PCDH11X: variants seen among roughly 807,000 people sequenced by gnomAD.
The protein encoded by PCDH11X is protocadherin-11 X-linked.
PCDH11X carries 18 observed loss-of-function variants against 53.3 expected under a neutral mutation model. That is an observed-to-expected ratio of 0.34 (90% CI 0.23 to 0.50). PCDH11X has a LOEUF of 0.50. PCDH11X is among the 20% of genes least tolerant of loss of function. PCDH11X has a pLI of 0.98. For missense variants in PCDH11X, 570 were observed against 1,032.4 expected, an observed-to-expected ratio of 0.55 and a Z score of 6.14; for synonymous variants, 279 against 393.3, an observed-to-expected ratio of 0.71 and a Z score of 3.44.
At chrX:92,485,556 T>G (rs2073624635) in intron 10 of PCDH11X, among the ~76,000 whole-genome samples, 1 of 111,714 alleles carries the variant, frequency 9.0e-6, no homozygotes, top group South Asian at 3.7e-4. Context: ...AATATTATTT[T>G]TCTTTAAGAT....
At chrX:92,605,333 C>A (rs1438897682) in intron 10 of PCDH11X, among the ~76,000 whole-genome samples, 1 of 109,240 alleles carries the variant, frequency 9.2e-6, no homozygotes, top group Non-Finnish European at 1.9e-5. Context: ...AAAGAAGAAA[C>A]AACAAGAGAA....
chrX:92,207,008 A>G (rs1364603160), intron 7 of PCDH11X, among the ~76,000 whole-genome samples: 1 of 112,049 alleles, frequency 8.9e-6, no homozygotes. Flanking sequence ...TAGGATAATT[A>G]TCATTTTTTG....
chrX:92,076,381 G>A (rs1193914147), intron 6 of PCDH11X, among the ~76,000 whole-genome samples: 1 of 91,757 alleles, frequency 1.1e-5, no homozygotes, highest in Non-Finnish European at 2.0e-5. Context: ...GTAATGAGAG[G>A]CCAATGTTTA....
chrX:92,260,025 C>T (rs2067680892), intron 7 of PCDH11X, among the ~76,000 whole-genome samples: 1 of 110,634 alleles, frequency 9.0e-6, no homozygotes, highest in South Asian at 3.9e-4. Flanking sequence ...GAAGTGATCT[C>T]CTTTGGTGCC....
intron 6 of PCDH11X, among the ~76,000 whole-genome samples, chrX:92,194,815 A>G (rs1478936238): frequency 9.0e-6 from 1 of 111,228 alleles, no homozygotes; most frequent in African/African-American, 3.3e-5. Context: ...GCACAGAAAC[A>G]TTAAGAGATT....
intron 6 of PCDH11X, among the ~76,000 whole-genome samples, chrX:92,025,322 A>T: frequency 9.1e-6 from 1 of 109,637 alleles, no homozygotes; most frequent in Non-Finnish European, 1.9e-5. Flanking sequence ...TGGACAAAGG[A>T]TATTAATCTG....
chrX:92,567,761 G>T (rs1434117123), intron 10 of PCDH11X, among the ~76,000 whole-genome samples: 1 of 104,855 alleles, frequency 9.5e-6, no homozygotes, highest in Non-Finnish European at 1.9e-5. Flanking sequence ...TTGGCTGTTG[G>T]TTTGTTCTCA....
chrX:92,598,517 T>A (rs1454769187), intron 10 of PCDH11X, among the ~76,000 whole-genome samples: 3 of 103,534 alleles, frequency 2.9e-5, no homozygotes, highest in Middle Eastern at 4.9e-3. Flanking sequence ...CTCGCCCCAG[T>A]TAAAATGGCT....
At chrX:92,236,019 T>G (rs894093229) in intron 7 of PCDH11X, among the ~76,000 whole-genome samples, 1 of 111,994 alleles carries the variant, frequency 8.9e-6, no homozygotes, top group Non-Finnish European at 1.9e-5. Flanking sequence ...ATAATTGTAA[T>G]AAAAATTATC....
intron 8 of PCDH11X, among the ~76,000 whole-genome samples, chrX:92,320,561 GTTA>G (rs749112652): frequency 4.2e-3 from 468 of 111,128 alleles, no homozygotes; most frequent in African/African-American, 0.013. Flanking sequence ...GTTCTAAAAA[GTTA>G]TTATGATTCA....
chrX:92,594,258 T>TC (rs940115013), intron 10 of PCDH11X, among the ~76,000 whole-genome samples: 6 of 107,934 alleles, frequency 5.6e-5, no homozygotes, highest in African/African-American at 2.1e-4. Flanking sequence ...TGACAAACTT[T>TC]CCATGGTCAA....
intron 6 of PCDH11X, among the ~76,000 whole-genome samples, chrX:92,103,782 G>A (rs1462784291): frequency 8.9e-6 from 1 of 112,118 alleles, no homozygotes; most frequent in Non-Finnish European, 1.9e-5. Flanking sequence ...CTGGAGATGT[G>A]GCTGGGGTTT....
At chrX:91,923,499 A>G (rs1191065703) in intron 6 of PCDH11X, among the ~76,000 whole-genome samples, 1 of 109,972 alleles carries the variant, frequency 9.1e-6, no homozygotes, top group African/African-American at 3.3e-5. Context: ...CAAATTCTTT[A>G]GCTTTGGGAC....
intron 6 of PCDH11X, among the ~76,000 whole-genome samples, chrX:92,047,116 T>C (rs1231588775): frequency 2.5e-5 from 2 of 79,326 alleles, no homozygotes; most frequent in Non-Finnish European, 4.1e-5. Flanking sequence ...GTAAGATATT[T>C]TTGTAATAAT....
chrX:92,191,293 C>T (rs751263014), intron 6 of PCDH11X, among the ~76,000 whole-genome samples: 80 of 111,828 alleles, frequency 7.2e-4, no homozygotes, highest in African/African-American at 2.5e-3. Flanking sequence ...GTTGCTTTTC[C>T]TAATTATATT....
At chrX:91,792,088 A>T (rs1050575183) in intron 1 of PCDH11X, among the ~76,000 whole-genome samples, 1 of 108,585 alleles carries the variant, frequency 9.2e-6, no homozygotes, top group Non-Finnish European at 1.9e-5. Context: ...TGACCTCGTG[A>T]TCCGCCCACC....
At chrX:92,017,867 T>TA (rs751407665) in intron 6 of PCDH11X, among the ~76,000 whole-genome samples, 148 of 97,918 alleles carry the variant, frequency 1.5e-3, no homozygotes, top group East Asian at 1.9e-3. Flanking sequence ...ACCTTCAGAT[T>TA]AAAAAAAAAA....
chrX:92,021,539 G>A (rs1216136519), intron 6 of PCDH11X, among the ~76,000 whole-genome samples: 1 of 108,373 alleles, frequency 9.2e-6, no homozygotes, highest in Non-Finnish European at 1.9e-5. Context: ...CCAAACCTAC[G>A]ATTGATTGGA....
rs138051777 is a variant in PCDH11X at position 91,894,877 on chromosome X, A to G, written c.3033+15604A>G. The stretch of plus-strand genomic sequence containing the variant: ...TTGGCTACCACATATAGACATGGGA[A>G]GTGTTGGATATACTAACAGATAGAG... On this transcript the variant is annotated intron_variant, in intron 6 of 10. Coordinates refer to ENST00000682573, the MANE Select transcript of PCDH11X (RefSeq NM_032968.5). Among the ~76,000 whole-genome samples the G allele has an allele frequency of 1.1e-4, 12 of 111,192 alleles. No individual in the cohort carries two copies. The East Asian group carries it at 3.4e-3, about 32-fold the overall frequency.
Sources: gnomAD v4.1 joint callset for allele counts (sites outside exome capture counted in the v4.1 genomes callset) on GRCh38, gnomAD v4.1.1 for gene constraint, MANE v1.5 for transcripts, NCBI Gene and HGNC (gene_info 2026-07-23, HGNC 2026-07-21) for gene names.